The following ATG4C variants were observed in gnomAD, a reference collection of about 807,000 sequenced individuals.
The protein encoded by ATG4C is autophagy related 4C cysteine peptidase.
ATG4C carries 56 observed loss-of-function variants against 57.6 expected under a neutral mutation model. The observed-to-expected ratio is 0.97, with a 90% CI of 0.78 to 1.21. The LOEUF is 1.21. Among genes scored for constraint, ATG4C ranks in the 50% most tolerant of loss-of-function variants. ATG4C has a pLI of 0.00. For synonymous variants in ATG4C, 157 were observed against 174.1 expected (o/e 0.90, Z 0.78); for missense variants, 595 against 529.8 (o/e 1.12, Z -1.21).
At chr1:62,793,535 C>G (rs1431858183) in intron 1 of ATG4C, among the ~76,000 whole-genome samples, 1 of 133,280 alleles carries the variant, frequency 7.5e-6, no homozygotes, top group Non-Finnish European at 1.6e-5. Flanking sequence ...TTACTTGAGC[C>G]TGGGAGATCA....
intron 10 of ATG4C, among the ~76,000 whole-genome samples, chr1:62,845,215 A>G (rs1352426283): frequency 6.6e-6 from 1 of 152,084 alleles, no homozygotes; most frequent in Non-Finnish European, 1.5e-5. Context: ...GATCATGCCA[A>G]CCAGTATATA....
chr1:62,863,694 A>G (rs534939775), intron 10 of ATG4C, among the ~76,000 whole-genome samples: 13 of 152,200 alleles, frequency 8.5e-5, no homozygotes, highest in African/African-American at 2.4e-4. Flanking sequence ...CTAACTCTCT[A>G]GTATTTCTTC....
chr1:62,793,618 A>AAAAAAAAAAAAAAAAAAAAAAAC (rs1553221617), intron 1 of ATG4C, among the ~76,000 whole-genome samples: 2 of 104,048 alleles, frequency 1.9e-5, no homozygotes, highest in Non-Finnish European at 3.7e-5. Flanking sequence ...AAAAAAAAAA[A>AAAAAAAAAAAAAAAAAAAAAAAC]AACCAAAAAA....
rs567294215 is a variant in ATG4C at position 62,849,873 on chromosome 1, A to T, written c.1209+8326A>T. On this transcript the variant is annotated intron_variant, in intron 10 of 10. Transcript: ENST00000317868. The stretch of plus-strand genomic sequence containing the variant: ...GGGTTGATTTGATACAAGCTACGCC[A>T]TTATGATGCTCCTAATTAGTATATT... 3.3e-5 allele frequency among the ~76,000 whole-genome samples: 5 copies of T among 152,268 alleles called. No homozygotes were observed. The South Asian group carries it at 1.0e-3, about 32-fold the overall frequency.
chr1:62,849,382 ATT>A (rs926731439), intron 10 of ATG4C, among the ~76,000 whole-genome samples: 1 of 152,136 alleles, frequency 6.6e-6, no homozygotes, highest in Non-Finnish European at 1.5e-5. Context: ...TCTTAAAGAT[ATT>A]TATTCCATTA....
chr1:62,818,582 A>G (rs1243455013), intron 4 of ATG4C, among the ~76,000 whole-genome samples: 2 of 152,078 alleles, frequency 1.3e-5, no homozygotes, highest in African/African-American at 4.8e-5. Flanking sequence ...GAAACTACAG[A>G]AAAGTACAGA....
At chr1:62,824,626 C>T (rs938965212) in intron 6 of ATG4C, among the ~76,000 whole-genome samples, 1 of 151,840 alleles carries the variant, frequency 6.6e-6, no homozygotes, top group Admixed American at 6.6e-5. Context: ...ACTGTCATAC[C>T]CACCATCATA....
At chr1:62,850,854 G>GTGTATA (rs1402010901) in intron 10 of ATG4C, among the ~76,000 whole-genome samples, 4 of 84,120 alleles carry the variant, frequency 4.8e-5, no homozygotes, top group African/African-American at 6.8e-5. Flanking sequence ...GTGTATGTAT[G>GTGTATA]TATATATATA....
intron 1 of ATG4C, among the ~76,000 whole-genome samples, chr1:62,803,088 A>G (rs1043231861): frequency 1.3e-5 from 2 of 152,230 alleles, no homozygotes; most frequent in African/African-American, 4.8e-5. Flanking sequence ...AGTCAGTAAT[A>G]AAACAGACAC....
chr1:62,789,771 C>T (rs955601038), intron 1 of ATG4C, among the ~76,000 whole-genome samples: 2 of 151,966 alleles, frequency 1.3e-5, no homozygotes, highest in African/African-American at 2.4e-5. Context: ...GATCCGAGTT[C>T]GCGCCACTGC....
chr1:62,846,992 C>T (rs1398643874), intron 10 of ATG4C, among the ~76,000 whole-genome samples: 3 of 152,110 alleles, frequency 2.0e-5, no homozygotes, highest in African/African-American at 7.2e-5. Context: ...GTCTGGCCAA[C>T]ATGGTGAAAC....
chr1:62,828,120 A>G (rs1665725971), intron 6 of ATG4C, among the ~76,000 whole-genome samples: 1 of 152,190 alleles, frequency 6.6e-6, no homozygotes, highest in Admixed American at 6.5e-5. Context: ...ATTCGTGTGC[A>G]TGTGTCTTTA....
intron 10 of ATG4C, 27 bp from the exon 11 acceptor site, chr1:62,863,965 G>A: frequency 1.3e-6 from 2 of 1,499,576 alleles, no homozygotes; most frequent in Non-Finnish European, 1.8e-6. Flanking sequence ...CATCCAATAA[G>A]GAATTCTTCT....
chr1:62,817,786 ATATTT>A (rs1401899259), intron 4 of ATG4C, among the ~76,000 whole-genome samples: 1 of 152,154 alleles, frequency 6.6e-6, no homozygotes, highest in Non-Finnish European at 1.5e-5. Flanking sequence ...ATTTGTAAGA[ATATTT>A]TAGTTTACAA....
intron 3 of ATG4C, among the ~76,000 whole-genome samples, chr1:62,813,551 T>C (rs150494529): frequency 0.011 from 1,647 of 152,296 alleles, 29 homozygotes; most frequent in African/African-American, 0.038. Context: ...AAGGACTTCA[T>C]GTCTAAAACA....
At chr1:62,852,616 A>G (rs996542380) in intron 10 of ATG4C, among the ~76,000 whole-genome samples, 1 of 152,210 alleles carries the variant, frequency 6.6e-6, no homozygotes, top group African/African-American at 2.4e-5. Context: ...TTCAGTGTTC[A>G]CATTATGCCT....
chr1:62,793,625 A>G (rs536973969), intron 1 of ATG4C, among the ~76,000 whole-genome samples: 31 of 149,234 alleles, frequency 2.1e-4, no homozygotes, highest in African/African-American at 7.4e-4. Flanking sequence ...AAAAAACCAA[A>G]AAAACAAACA....
At chr1:62,797,142 A>C (rs1664497693) in intron 1 of ATG4C, among the ~76,000 whole-genome samples, 1 of 151,944 alleles carries the variant, frequency 6.6e-6, no homozygotes. Context: ...AACATTATGA[A>C]CTTCTAGACA....
intron 10 of ATG4C, among the ~76,000 whole-genome samples, chr1:62,854,883 C>G (rs990574115): frequency 6.6e-6 from 1 of 152,148 alleles, no homozygotes; most frequent in Admixed American, 6.5e-5. Context: ...TCTGCTCTAG[C>G]TCCAGGAGCA....
Sources: allele counts gnomAD v4.1 joint callset (sites outside exome capture counted in the v4.1 genomes callset), GRCh38; gene constraint gnomAD v4.1.1; transcripts MANE v1.5; gene names NCBI Gene and HGNC (gene_info 2026-07-23, HGNC 2026-07-21).